HNF1B: variants seen among roughly 807,000 people sequenced by gnomAD.
HNF1B encodes the protein hepatocyte nuclear factor 1-beta.
HNF1B carries 8 observed loss-of-function variants against 61.7 expected under a neutral mutation model. That is an observed-to-expected ratio of 0.13 (90% CI 0.08 to 0.23). The LOEUF (loss-of-function observed/expected upper bound fraction) is 0.23, where lower values mean the gene tolerates loss of function less well. Ranked by LOEUF, HNF1B falls within the 10% of genes least tolerant of loss-of-function variation. The pLI, the probability that HNF1B is intolerant of heterozygous loss-of-function variation, is 1.00. For synonymous variants in HNF1B, 314 were observed against 287.7 expected (o/e 1.09, Z -0.93); for missense variants, 562 against 714.5 (o/e 0.79, Z 2.43).
intron 5 of HNF1B, among the ~76,000 whole-genome samples, chr17:37,710,240 C>A (rs2032885926): frequency 6.6e-6 from 1 of 152,220 alleles, no homozygotes; most frequent in Non-Finnish European, 1.5e-5. Flanking sequence ...TCCCACCGGG[C>A]TTGCTCCTTT....
intron 8 of HNF1B, among the ~76,000 whole-genome samples, chr17:37,689,180 T>C (rs1032425846): frequency 3.4e-5 from 5 of 147,580 alleles, no homozygotes; most frequent in Admixed American, 1.4e-4. Flanking sequence ...AGAGGGGGGC[T>C]GAGCAGTGCG....
chr17:37,716,638 A>G (rs1474968329), intron 4 of HNF1B, among the ~76,000 whole-genome samples: 1 of 152,210 alleles, frequency 6.6e-6, no homozygotes, highest in African/African-American at 2.4e-5. Context: ...AAAGACAAAC[A>G]TGACTGCCTT....
At chr17:37,691,098 A>G (rs1015402450) in intron 8 of HNF1B, among the ~76,000 whole-genome samples, 1 of 152,174 alleles carries the variant, frequency 6.6e-6, no homozygotes, top group African/African-American at 2.4e-5. Context: ...CTCCCATGGA[A>G]AAAAGGAGGG....
At chr17:37,708,883 G>A (rs2032839854) in intron 5 of HNF1B, among the ~76,000 whole-genome samples, 1 of 152,148 alleles carries the variant, frequency 6.6e-6, no homozygotes, top group Non-Finnish European at 1.5e-5. Flanking sequence ...GCTCCCCTCA[G>A]AAACCACACT....
At chr17:37,731,026 C>T (rs549200973) in intron 4 of HNF1B, 1 of 174,656 alleles carries the variant, frequency 5.7e-6, no homozygotes, top group East Asian at 1.4e-4. Flanking sequence ...TTTTTCCCAA[C>T]TCATTGCTGC....
At chr17:37,693,836 G>A (rs2032287193) in intron 8 of HNF1B, among the ~76,000 whole-genome samples, 1 of 152,206 alleles carries the variant, frequency 6.6e-6, no homozygotes, top group African/African-American at 2.4e-5. Context: ...TGATAAGTGA[G>A]CTCTCGCTCA....
At chr17:37,737,875 A>G (rs35327910) in intron 2 of HNF1B, among the ~76,000 whole-genome samples, 2,922 of 152,172 alleles carry the variant, frequency 0.019, 46 homozygotes, top group Non-Finnish European at 0.03. Flanking sequence ...AACAAAAATA[A>G]CAATAACAAC....
intron 4 of HNF1B, among the ~76,000 whole-genome samples, chr17:37,715,929 C>T (rs943243223): frequency 5.3e-5 from 8 of 152,070 alleles, no homozygotes; most frequent in Non-Finnish European, 1.0e-4. Context: ...GTCAGGAGTT[C>T]GAGACTAGCC....
chr17:37,738,185 G>A (rs1002466165), intron 2 of HNF1B, among the ~76,000 whole-genome samples: 2 of 151,890 alleles, frequency 1.3e-5, no homozygotes, highest in East Asian at 3.8e-4. Flanking sequence ...TTCTTAAAGA[G>A]CTAGTCACCA....
chr17:37,716,066 T>C (rs1323779329), intron 4 of HNF1B, among the ~76,000 whole-genome samples: 1 of 152,148 alleles, frequency 6.6e-6, no homozygotes, highest in Non-Finnish European at 1.5e-5. Context: ...GGAGAATTGC[T>C]TGAACCTGGG....
rs1052106573 is a variant in HNF1B, at chr17:37,745,039, G to A, written c.-155C>T. Reference sequence around the variant, plus strand: ...TCCCCGGGGTCCCGGAGGCTCCTCCGAAAGGAGTCAGAAAACTTCTAACTT... The same window carrying A: ...TCCCCGGGGTCCCGGAGGCTCCTCCAAAAGGAGTCAGAAAACTTCTAACTT... On this transcript the variant is annotated 5_prime_UTR_variant, in exon 1 of 9. Transcript: ENST00000617811. 3.1e-6 allele frequency: 2 copies of A among 653,366 alleles called. No homozygotes were observed. Among genetic ancestry groups the A allele is most frequent in the South Asian group, 1.9e-5 (1 of 51,816 alleles). The allele number at this position is 653,366 out of a possible 1,614,324, so 40.5% of individuals were successfully genotyped here. A position where few individuals can be genotyped will look rare whatever the true frequency, so the allele number is the denominator to read the frequency against.
At chr17:37,723,062 G>T (rs767148733) in intron 4 of HNF1B, among the ~76,000 whole-genome samples, 2 of 152,026 alleles carry the variant, frequency 1.3e-5, no homozygotes, top group Non-Finnish European at 2.9e-5. Context: ...AAAAATGGCC[G>T]GGCGCGGTGG....
intron 2 of HNF1B, among the ~76,000 whole-genome samples, chr17:37,736,847 G>A (rs891563667): frequency 3.9e-5 from 6 of 152,204 alleles, no homozygotes; most frequent in African/African-American, 1.4e-4. Flanking sequence ...ACTGACATCA[G>A]GGGCTTGGCT....
chr17:37,721,528 T>A (rs2033314200), intron 4 of HNF1B, among the ~76,000 whole-genome samples: 1 of 152,086 alleles, frequency 6.6e-6, no homozygotes, highest in Admixed American at 6.6e-5. Flanking sequence ...GTTAAATGAT[T>A]CACCCAAGGT....
At position 37,699,065 on chromosome 17, in the gene HNF1B, G is replaced by A. The variant is rs763332203; in HGVS notation, c.1653+11C>T. The A allele has an allele frequency of 1.0e-5, 16 of 1,592,408 alleles. No homozygotes were observed. Among genetic ancestry groups the A allele is most frequent in the Non-Finnish European group, 1.4e-5 (16 of 1,160,256 alleles). ...CCACACCCCAACCCCCGCAAATCCTGCTGGCATTACCTGTTTACTTGAAGA... is the reference window on the plus strand; with the variant it reads ...CCACACCCCAACCCCCGCAAATCCTACTGGCATTACCTGTTTACTTGAAGA... On this transcript the variant is annotated intron_variant, in intron 8 of 8. Transcript: ENST00000617811.
At chr17:37,720,869 T>C (rs1242537368) in intron 4 of HNF1B, 1 of 985,196 alleles carries the variant, frequency 1.0e-6, no homozygotes, top group African/African-American at 1.7e-5. Context: ...ATGCAAACCC[T>C]CTAGTTCCCC....
chr17:37,691,093 A>G (rs1426576525), intron 8 of HNF1B, among the ~76,000 whole-genome samples: 2 of 152,202 alleles, frequency 1.3e-5, no homozygotes, highest in Non-Finnish European at 2.9e-5. Context: ...CCAAACTCCC[A>G]TGGAAAAAAG....
chr17:37,733,492 C>T lies in HNF1B; in HGVS notation c.809+65G>A, dbSNP rs9895048. 1.2e-3 allele frequency: 1,908 copies of T among 1,591,068 alleles called. 28 individuals carry two copies. The African/African-American group carries it at 0.023, about 19-fold the overall frequency. On this transcript the variant is annotated intron_variant, in intron 3 of 8. Coordinates refer to ENST00000617811, the MANE Select transcript of HNF1B (RefSeq NM_000458.4). ...AACTAGTGTCTCAATATCCCAGGAC[C>T]GAGGGGAGGGTTCCTGGGTCTGTGT...
intron 1 of HNF1B, among the ~76,000 whole-genome samples, chr17:37,742,595 G>C (rs1416754173): frequency 1.3e-5 from 2 of 152,028 alleles, no homozygotes; most frequent in Non-Finnish European, 1.5e-5. Context: ...GCTCGGGACG[G>C]GAGAAAAAAG....
Sources: gnomAD v4.1 joint callset for allele counts (sites outside exome capture counted in the v4.1 genomes callset) on GRCh38, gnomAD v4.1.1 for gene constraint, MANE v1.5 for transcripts, NCBI Gene and HGNC (gene_info 2026-07-23, HGNC 2026-07-21) for gene names.